Variants in KLK3 observed in about 807,000 individuals in gnomAD.
KLK3 encodes prostate-specific antigen.
A neutral mutation model predicts 27.7 loss-of-function variants in KLK3; 23 were observed. That is an observed-to-expected ratio of 0.83 (90% CI 0.60 to 1.17). The LOEUF (loss-of-function observed/expected upper bound fraction) is 1.17, where lower values mean the gene tolerates loss of function less well. KLK3 is among the 50% of genes most tolerant of loss of function. The pLI, the probability that KLK3 is intolerant of heterozygous loss-of-function variation, is 0.00. For synonymous variants in KLK3, 142 were observed against 134.2 expected, an observed-to-expected ratio of 1.06 and a Z score of -0.40; for missense variants, 322 against 338.1, an observed-to-expected ratio of 0.95 and a Z score of 0.37.
chr19:50,856,229 C>T lies in KLK3; in HGVS notation c.47-11C>T, dbSNP rs2090145726. The T allele has an allele frequency of 6.2e-7, 1 of 1,609,098 alleles. No homozygotes were observed. Among genetic ancestry groups the T allele is most frequent in the Non-Finnish European group, 8.5e-7 (1 of 1,178,012 alleles). On this transcript the variant is annotated splice_polypyrimidine_tract_variant and intron_variant, in intron 1 of 4. Coordinates refer to ENST00000326003, the MANE Select transcript of KLK3 (RefSeq NM_001648.2). ...AACCCTGATTCCCCTGATCTAGCAC[C>T]CCCTCTGCAGGTGCTGCACCCCTCA...
At position 50,860,150 on chromosome 19, in the gene KLK3, G is replaced by A. The variant is rs762778769; in HGVS notation, c.*23G>A. 2.6e-6 allele frequency: 4 copies of A among 1,567,062 alleles called. No individual in the cohort carries two copies. In the South Asian group the frequency reaches 4.5e-5, roughly 18 times the overall value. ...TGAGCACCCCTATCAACCCCCTATT[G>A]TAGTAAACTTGGAACCTTGGAAATG... On this transcript the variant is annotated 3_prime_UTR_variant, in exon 5 of 5. Transcript: ENST00000326003.
chr19:50,859,467 C>T, intron 4 of KLK3: 1 of 1,396,568 alleles, frequency 7.2e-7, no homozygotes, highest in Non-Finnish European at 1.0e-6. Flanking sequence ...CCTTACCCAG[C>T]CTCCCTCACA....
intron 2 of KLK3, among the ~76,000 whole-genome samples, chr19:50,857,183 A>AAG (rs1491335383): frequency 2.3e-5 from 3 of 128,928 alleles, no homozygotes; most frequent in African/African-American, 2.7e-5. Flanking sequence ...AAAAAAAAAA[A>AAG]GAAAAGAAAA....
intron 4 of KLK3, chr19:50,859,650 G>C: frequency 1.2e-6 from 2 of 1,607,928 alleles, no homozygotes; most frequent in Non-Finnish European, 1.7e-6. Context: ...GCCTCTGTGA[G>C]GAGCCACGGG....
chr19:50,859,485 G>A (rs1269362321), intron 4 of KLK3: 1 of 1,518,190 alleles, frequency 6.6e-7, no homozygotes, highest in Non-Finnish European at 9.1e-7. Context: ...ACAGGCTCCT[G>A]GCCCTCAGTC....
At chr19:50,859,459 T>G (rs76765083) in intron 4 of KLK3, 85,202 of 1,328,398 alleles carry the variant, frequency 0.064, 3,167 homozygotes, top group Non-Finnish European at 0.074. Context: ...ACCTGGGCCC[T>G]TACCCAGCCT....
intron 1 of KLK3, chr19:50,855,662 G>A: frequency 6.5e-6 from 1 of 153,346 alleles, no homozygotes; most frequent in Non-Finnish European, 1.5e-5. Context: ...AGCATCCCCA[G>A]CCACAACTGC....
At chr19:50,857,944 T>A in intron 2 of KLK3, 85 bp from the exon 3 acceptor site, 1 of 1,403,484 alleles carries the variant, frequency 7.1e-7, no homozygotes, top group Non-Finnish European at 9.6e-7. Flanking sequence ...CTTTTTCTCT[T>A]TTGGAGCCTC....
At chr19:50,858,738 T>G in intron 4 of KLK3, 143 bp downstream of exon 4, 1 of 813,688 alleles carries the variant, frequency 1.2e-6, no homozygotes. Context: ...CTCATCTCAT[T>G]CCCTCCTTCC....
chr19:50,856,487 C>A, intron 2 of KLK3, 88 bp downstream of exon 2: 2 of 1,500,116 alleles, frequency 1.3e-6, no homozygotes, highest in East Asian at 4.6e-5. Context: ...ACCTCTAAGG[C>A]CAGCCTTGGG....
chr19:50,856,240 GT>G lies in KLK3; in HGVS notation c.48del (p.Ala17LeufsTer56), dbSNP rs2090145885. On this transcript the variant is annotated frameshift_variant and splice_region_variant, in exon 2 of 5. Transcript: ENST00000326003. LOFTEE classifies it high-confidence loss of function. The stretch of plus-strand genomic sequence containing the variant: ...CCCTGATCTAGCACCCCCTCTGCAG[GT>G]GCTGCACCCCTCATCCTGTCTCGGA... ...VFLTLSVTWI[G>X]AAPLILSRIV... is the part of the protein sequence containing the mutation. 7 of 1,611,362 alleles carry G rather than the reference GT, an allele frequency of 4.3e-6. No individual in the cohort carries two copies. The highest frequency in any genetic ancestry group is 5.1e-6 in the Non-Finnish European group (6 of 1,179,338).
chr19:50,858,045 C>A lies in KLK3; in HGVS notation c.223C>A (p.Leu75Met). ...CCTCCCCAGCAAAAGCGTGATCTTGCTGGGTCGGCACAGCCTGTTTCATCC... is the reference window on the plus strand; with the variant it reads ...CCTCCCCAGCAAAAGCGTGATCTTGATGGGTCGGCACAGCCTGTTTCATCC... ...HCIRNKSVIL[L>M]GRHSLFHPED... Residue 75 changes from leucine to methionine, a missense_variant, in exon 3 of 5, where the codon CTG becomes ATG. Leu to Met is a conservative substitution (Grantham distance 15, BLOSUM62 2). Transcript: ENST00000326003. 1.2e-6 allele frequency: 2 copies of A among 1,611,110 alleles called. No individual in the cohort carries two copies. Among genetic ancestry groups the A allele is most frequent in the East Asian group, 4.5e-5 (2 of 44,866 alleles).
Position 50,858,501 on chromosome 19 carries a change from T to C in KLK3, c.536T>C (p.Ile179Thr), listed in dbSNP as rs17632542. Reference protein sequence around the residue: ...KKLQCVDLHVISNDVCAQVHP... With the variant: ...KKLQCVDLHVTSNDVCAQVHP... ...CTTCAGTGTGTGGACCTCCATGTTA[T>C]TTCCAATGACGTGTGTGCGCAAGTT... The change falls in exon 4 of 5, where the codon ATT becomes ACT. Residue 179 changes from isoleucine (I) to threonine (T), a missense_variant. Coordinates refer to ENST00000326003, the MANE Select transcript of KLK3 (RefSeq NM_001648.2). The C allele has an allele frequency of 0.065, 105,036 of 1,614,154 alleles. 3,857 individuals carry two copies. Among genetic ancestry groups the C allele is most frequent in the Non-Finnish European group, 0.074 (86,975 of 1,179,992 alleles).
Position 50,856,244 on chromosome 19 carries a change from T to A in KLK3, c.51T>A (p.Ala17=). The change falls in exon 2 of 5, where the codon GCT becomes GCA. Residue 17 remains alanine (A), a synonymous_variant. Coordinates refer to ENST00000326003, the MANE Select transcript of KLK3 (RefSeq NM_001648.2). ...FLTLSVTWIG[A]APLILSRIVG... ...GATCTAGCACCCCCTCTGCAGGTGC[T>A]GCACCCCTCATCCTGTCTCGGATTG... The A allele has an allele frequency of 5.0e-6, 8 of 1,611,978 alleles. No homozygotes were observed. The highest frequency in any genetic ancestry group is 6.8e-6 in the Non-Finnish European group (8 of 1,179,582).
rs765982632 is a variant in KLK3 at position 50,856,253 on chromosome 19, C to A, written c.60C>A (p.Leu20=). 6.2e-7 allele frequency: 1 copy of A among 1,612,522 alleles called. No individual in the cohort carries two copies. Among genetic ancestry groups the A allele is most frequent in the Non-Finnish European group, 8.5e-7 (1 of 1,179,786 alleles). ...CCCCCTCTGCAGGTGCTGCACCCCT[C>A]ATCCTGTCTCGGATTGTGGGAGGCT... ...LSVTWIGAAP[L]ILSRIVGGWE... is the part of the protein sequence containing the mutation. The change falls in exon 2 of 5, where the codon CTC becomes CTA. Residue 20 remains leucine, a synonymous_variant. Coordinates refer to ENST00000326003, the MANE Select transcript of KLK3 (RefSeq NM_001648.2).
intron 1 of KLK3, chr19:50,855,611 C>T (rs2090142006): frequency 6.5e-6 from 1 of 153,526 alleles, no homozygotes; most frequent in East Asian, 1.9e-4. Context: ...TAGCCCCAGA[C>T]TCTTCATTCA....
chr19:50,857,987 T>C, intron 2 of KLK3, 42 bp from the exon 3 acceptor site: 1 of 1,564,046 alleles, frequency 6.4e-7, no homozygotes, highest in Non-Finnish European at 8.6e-7. Context: ...TCTCTTTCCT[T>C]ATCATCCTCG....
Position 50,858,158 on chromosome 19 carries a change from G to A in KLK3, c.336G>A (p.Arg112=). The A allele has an allele frequency of 6.2e-7, 1 of 1,614,158 alleles. No homozygotes were observed. The highest frequency in any genetic ancestry group is 1.6e-4 in the Middle Eastern group (1 of 6,062). The change falls in exon 3 of 5, where the codon AGG becomes AGA. Residue 112 remains arginine (R), a synonymous_variant. Transcript: ENST00000326003. ...GCCTCCTGAAGAATCGATTCCTCAG[G>A]CCAGGTGATGACTCCAGCCACGACC... ...DMSLLKNRFL[R]PGDDSSHDLM...
rs138400533 is a variant in KLK3 at position 50,854,987 on chromosome 19, C to A, written c.32C>A (p.Ser11Tyr). MWVPVVFLTL[S>Y]VTWIGAAPLI... ...GTCCCGGTTGTCTTCCTCACCCTGT[C>A]CGTGACGTGGATTGGTGAGAGGGGC... is the stretch of plus-strand genomic sequence containing the variant. The change falls in exon 1 of 5, where the codon TCC becomes TAC. Residue 11 changes from serine to tyrosine, a missense_variant. Transcript: ENST00000326003. 2 of 1,613,874 alleles carry A rather than the reference C, an allele frequency of 1.2e-6. No homozygotes were observed. The highest frequency in any genetic ancestry group is 1.7e-6 in the Non-Finnish European group (2 of 1,179,900).
Sources: allele counts gnomAD v4.1 joint callset (sites outside exome capture counted in the v4.1 genomes callset), GRCh38; gene constraint gnomAD v4.1.1; transcripts MANE v1.5; gene names NCBI Gene and HGNC (gene_info 2026-07-23, HGNC 2026-07-21).